CACNA1A: variants seen among roughly 807,000 people sequenced by gnomAD.
The protein encoded by CACNA1A is voltage-dependent P/Q-type calcium channel subunit alpha-1A.
A neutral mutation model predicts 262.4 loss-of-function variants in CACNA1A; 57 were observed. That is an observed-to-expected ratio of 0.22 (90% confidence interval 0.18 to 0.27). CACNA1A has a LOEUF of 0.27. CACNA1A is among the 10% of genes least tolerant of loss of function. The pLI is 1.00. For missense variants in CACNA1A, 2,526 were observed against 3,562.8 expected (o/e 0.71, Z 7.41); for synonymous variants, 1,431 against 1,419.3 (o/e 1.01, Z -0.18).
chr19:13,489,202 G>C (rs1182748466), intron 1 of CACNA1A, among the ~76,000 whole-genome samples: 1 of 151,376 alleles, frequency 6.6e-6, no homozygotes, highest in East Asian at 1.9e-4. Context: ...AGTAGAGATG[G>C]GGTTTCACCA....
chr19:13,409,908 T>C (rs73507055), intron 3 of CACNA1A, among the ~76,000 whole-genome samples: 10,860 of 152,208 alleles, frequency 0.071, 768 homozygotes, highest in South Asian at 0.21. Context: ...ACTTGTTGTT[T>C]GCAGTAAACT....
chr19:13,276,565 T>C (rs2144836865), intron 23 of CACNA1A, among the ~76,000 whole-genome samples: 1 of 152,194 alleles, frequency 6.6e-6, no homozygotes, highest in Non-Finnish European at 1.5e-5. Context: ...TCCCCACTGT[T>C]CTCTCACTCC....
intron 34 of CACNA1A, among the ~76,000 whole-genome samples, chr19:13,233,679 CG>C (rs2055753345): frequency 6.6e-6 from 1 of 151,932 alleles, no homozygotes; most frequent in Non-Finnish European, 1.5e-5. Flanking sequence ...TTTGTAGAGA[CG>C]GGGTCTCACT....
chr19:13,210,918 A>C, intron 43 of CACNA1A: 52 of 535,040 alleles, frequency 9.7e-5, no homozygotes, highest in East Asian at 2.2e-4. Context: ...AGACAGACAA[A>C]TGGCAGAGGC....
chr19:13,325,705 G>C (rs1291687901), intron 10 of CACNA1A, among the ~76,000 whole-genome samples: 1 of 152,200 alleles, frequency 6.6e-6, no homozygotes, highest in African/African-American at 2.4e-5. Flanking sequence ...TGGGATTACA[G>C]GTGTGAGCCA....
intron 30 of CACNA1A, among the ~76,000 whole-genome samples, chr19:13,246,688 C>A (rs573164870): frequency 1.3e-5 from 2 of 151,932 alleles, no homozygotes; most frequent in Non-Finnish European, 2.9e-5. Context: ...TGCAGTGGCA[C>A]GTTCTCGGCT....
At chr19:13,216,647 T>TTATCTATC (rs71168686) in intron 38 of CACNA1A, among the ~76,000 whole-genome samples, 135 of 149,346 alleles carry the variant, frequency 9.0e-4, no homozygotes, top group African/African-American at 7.9e-4. Context: ...TTTTAAAAAT[T>TTATCTATC]TATCTATCTA....
chr19:13,454,384 C>A (rs982861000), intron 2 of CACNA1A, among the ~76,000 whole-genome samples: 11 of 151,778 alleles, frequency 7.2e-5, no homozygotes, highest in East Asian at 2.0e-4. Context: ...GCCTCCCCCC[C>A]ACCAAGATGG....
intron 3 of CACNA1A, among the ~76,000 whole-genome samples, chr19:13,399,098 G>A (rs569547951): frequency 1.3e-5 from 2 of 152,244 alleles, no homozygotes; most frequent in South Asian, 2.1e-4. Context: ...CTGGTTCAGG[G>A]AGCCCCATTG....
intron 10 of CACNA1A, among the ~76,000 whole-genome samples, chr19:13,327,863 G>A (rs1029098262): frequency 6.6e-6 from 1 of 152,082 alleles, no homozygotes; most frequent in African/African-American, 2.4e-5. Flanking sequence ...GTGAGCCACC[G>A]CGCCCGGCCA....
intron 4 of CACNA1A, among the ~76,000 whole-genome samples, chr19:13,368,240 G>C (rs2059252314): frequency 6.6e-6 from 1 of 152,074 alleles, no homozygotes; most frequent in Non-Finnish European, 1.5e-5. Context: ...GCTTGAGTCT[G>C]GGGAGGTTGA....
Position 13,228,805 on chromosome 19 carries a change from G to A in CACNA1A, c.5528+1277C>T. On this transcript the variant is annotated intron_variant, in intron 36 of 46. Coordinates refer to ENST00000360228, the MANE Select transcript of CACNA1A (RefSeq NM_001127222.2). ...ATAATGAATCCGACCGCTGAAAGGA[G>A]AAGAAAGGGGGTTAGTGCAGGCAAT... The A allele has an allele frequency of 1.3e-6, 2 of 1,524,232 alleles. No individual in the cohort carries two copies. Among genetic ancestry groups the A allele is most frequent in the South Asian group, 1.2e-5 (1 of 85,528 alleles). The allele number at this position is 1,524,232 out of a possible 1,614,324, so 94.4% of individuals were successfully genotyped here.
intron 3 of CACNA1A, among the ~76,000 whole-genome samples, chr19:13,381,051 G>A (rs2059515640): frequency 6.6e-6 from 1 of 152,010 alleles, no homozygotes; most frequent in Admixed American, 6.6e-5. Context: ...GCTGGTATTT[G>A]AGGCATGAGC....
chr19:13,230,282 A>C, intron 35 of CACNA1A, 73 bp from the exon 36 acceptor site: 1 of 1,524,482 alleles, frequency 6.6e-7, no homozygotes, highest in Non-Finnish European at 9.0e-7. Flanking sequence ...TGAGAAGGAT[A>C]CAGACAGACA....
chr19:13,257,278 G>T, intron 28 of CACNA1A, 72 bp downstream of exon 28: 1 of 1,282,618 alleles, frequency 7.8e-7, no homozygotes, highest in Non-Finnish European at 1.1e-6. Context: ...AGGGGTTCCT[G>T]GGTGTTGTGT....
chr19:13,497,043 C>T (rs1219374235), intron 1 of CACNA1A, among the ~76,000 whole-genome samples: 3 of 152,090 alleles, frequency 2.0e-5, no homozygotes, highest in Non-Finnish European at 4.4e-5. Flanking sequence ...AGCCACCTAG[C>T]TCCAGAATCC....
At chr19:13,319,372 T>C (rs758563783) in intron 10 of CACNA1A, among the ~76,000 whole-genome samples, 3 of 152,242 alleles carry the variant, frequency 2.0e-5, no homozygotes, top group Admixed American at 1.3e-4. Context: ...CATTCCTTTG[T>C]GTGTACATCA....
At chr19:13,464,322 C>T (rs540828563) in intron 1 of CACNA1A, among the ~76,000 whole-genome samples, 4 of 152,210 alleles carry the variant, frequency 2.6e-5, no homozygotes, top group Admixed American at 6.5e-5. Context: ...TTGCTTGAAC[C>T]TGGGAATTTG....
intron 3 of CACNA1A, among the ~76,000 whole-genome samples, chr19:13,425,726 G>A (rs376153375): frequency 9.9e-5 from 15 of 152,120 alleles, no homozygotes; most frequent in African/African-American, 2.9e-4. Flanking sequence ...TGGAGGGTTC[G>A]CCTTCATCGC....
Sources: allele counts gnomAD v4.1 joint callset (sites outside exome capture counted in the v4.1 genomes callset), GRCh38; gene constraint gnomAD v4.1.1; transcripts MANE v1.5; gene names NCBI Gene and HGNC (gene_info 2026-07-23, HGNC 2026-07-21).